The following CHCHD3 variants were observed in gnomAD, a reference collection of about 807,000 sequenced individuals.
CHCHD3 encodes the protein coiled-coil-helix-coiled-coil-helix domain containing 3, also known as MICOS complex subunit MIC19.
In CHCHD3, 20 loss-of-function variants were observed where a neutral mutation model predicts 38.2. The ratio of observed to expected loss-of-function variants is 0.52; its 90% CI spans 0.37 to 0.76. The LOEUF (loss-of-function observed/expected upper bound fraction) is 0.76, where lower values mean the gene tolerates loss of function less well. Among genes scored for constraint, CHCHD3 ranks in the 30% least tolerant of loss-of-function variants. CHCHD3 has a pLI of 0.00. For missense variants in CHCHD3, 245 were observed against 279.2 expected (o/e 0.88, Z 0.87); for synonymous variants, 82 against 100.0 (o/e 0.82, Z 1.07).
At chr7:132,798,311 A>G (rs899422901) in intron 6 of CHCHD3, among the ~76,000 whole-genome samples, 16 of 152,202 alleles carry the variant, frequency 1.1e-4, no homozygotes, top group Non-Finnish European at 2.2e-4. Flanking sequence ...AGAATTAAAT[A>G]GAATCCCAGG....
At chr7:132,908,153 G>T (rs1332478695) in intron 4 of CHCHD3, among the ~76,000 whole-genome samples, 1 of 152,168 alleles carries the variant, frequency 6.6e-6, no homozygotes, top group African/African-American at 2.4e-5. Context: ...AAATCATTAT[G>T]AGGTATTAGG....
At chr7:132,814,397 G>T (rs996802873) in intron 6 of CHCHD3, among the ~76,000 whole-genome samples, 2 of 152,162 alleles carry the variant, frequency 1.3e-5, no homozygotes, top group Non-Finnish European at 2.9e-5. Flanking sequence ...AGGACATTTA[G>T]AAATAATAGG....
At chr7:132,816,966 A>G (rs1193414835) in intron 6 of CHCHD3, among the ~76,000 whole-genome samples, 2 of 152,222 alleles carry the variant, frequency 1.3e-5, no homozygotes, top group Admixed American at 1.3e-4. Context: ...TGGAATATCA[A>G]AATGGAAGTA....
At chr7:133,031,577 T>C (rs1459051339) in intron 2 of CHCHD3, among the ~76,000 whole-genome samples, 1 of 152,172 alleles carries the variant, frequency 6.6e-6, no homozygotes, top group Non-Finnish European at 1.5e-5. Context: ...TTAAGTTGCT[T>C]AATAAAAGTT....
intron 4 of CHCHD3, among the ~76,000 whole-genome samples, chr7:132,921,628 CACAACAACAACAACA>C (rs5887601): frequency 6.6e-6 from 1 of 150,884 alleles, no homozygotes; most frequent in Admixed American, 6.6e-5. Flanking sequence ...ATATGACACA[CACAACAACAACAACA>C]ACAACAACAA....
intron 4 of CHCHD3, among the ~76,000 whole-genome samples, chr7:132,889,198 TATTACCTAC>T (rs1411895663): frequency 1.3e-5 from 2 of 152,120 alleles, no homozygotes; most frequent in African/African-American, 2.4e-5. Context: ...ATGGAAATTG[TATTACCTAC>T]TAAATCCTGA....
intron 3 of CHCHD3, among the ~76,000 whole-genome samples, chr7:133,006,295 G>A (rs1812698137): frequency 2.6e-5 from 4 of 151,752 alleles, no homozygotes; most frequent in Admixed American, 2.6e-4. Context: ...ATGAAACCCT[G>A]TCTCTACTAA....
intron 4 of CHCHD3, among the ~76,000 whole-genome samples, chr7:132,957,760 G>A (rs1328255875): frequency 5.3e-5 from 8 of 152,118 alleles, no homozygotes; most frequent in African/African-American, 1.2e-4. Context: ...GATTACAGAC[G>A]TGAGCCACTG....
At chr7:133,048,678 C>G (rs562631069) in intron 2 of CHCHD3, among the ~76,000 whole-genome samples, 4 of 152,094 alleles carry the variant, frequency 2.6e-5, no homozygotes, top group Non-Finnish European at 4.4e-5. Context: ...GAAACTCCCC[C>G]CTAAAACAAT....
At chr7:132,817,482 A>G (rs1037199438) in intron 6 of CHCHD3, among the ~76,000 whole-genome samples, 6 of 152,158 alleles carry the variant, frequency 3.9e-5, no homozygotes, top group African/African-American at 1.4e-4. Flanking sequence ...ATTGAGAAAG[A>G]AGCTCTAGGT....
chr7:132,800,021 T>C (rs568142853), intron 6 of CHCHD3, among the ~76,000 whole-genome samples: 2 of 152,254 alleles, frequency 1.3e-5, no homozygotes, highest in Admixed American at 1.3e-4. Flanking sequence ...GCACTTCTGG[T>C]AGATATTCTG....
intron 6 of CHCHD3, among the ~76,000 whole-genome samples, chr7:132,798,635 T>C (rs1806683752): frequency 6.6e-6 from 1 of 152,136 alleles, no homozygotes; most frequent in Non-Finnish European, 1.5e-5. Flanking sequence ...TGTCTCAGAT[T>C]TAAAAGCAGG....
chr7:132,915,937 T>A (rs185691342), intron 4 of CHCHD3, among the ~76,000 whole-genome samples: 42 of 151,732 alleles, frequency 2.8e-4, no homozygotes, highest in Non-Finnish European at 4.9e-4. Flanking sequence ...GGTTTTTTTT[T>A]AATTTTTTAA....
intron 3 of CHCHD3, among the ~76,000 whole-genome samples, chr7:132,995,184 C>T (rs1054043910): frequency 6.6e-6 from 1 of 152,146 alleles, no homozygotes; most frequent in Non-Finnish European, 1.5e-5. Flanking sequence ...TTTAGGATAA[C>T]TCCTGTTCAT....
intron 5 of CHCHD3, among the ~76,000 whole-genome samples, chr7:132,854,256 G>C (rs1323645224): frequency 6.6e-6 from 1 of 152,090 alleles, no homozygotes; most frequent in East Asian, 1.9e-4. Context: ...TGAAAAACAA[G>C]TATTTAGCCA....
intron 4 of CHCHD3, among the ~76,000 whole-genome samples, chr7:132,924,253 C>T (rs1039930232): frequency 2.6e-5 from 4 of 152,102 alleles, no homozygotes; most frequent in African/African-American, 4.8e-5. Flanking sequence ...ATTTTGAAGA[C>T]TAATAATAAT....
chr7:133,018,875 CT>C lies in CHCHD3; in HGVS notation c.251+5670del, dbSNP rs5887607. Among the ~76,000 whole-genome samples, 248 of 70,146 alleles carry C rather than the reference CT, an allele frequency of 3.5e-3. No homozygotes were observed. The South Asian group carries it at 0.036, about 10-fold the overall frequency. The allele number at this position is 70,146 out of a possible 152,430, so 46.0% of individuals were successfully genotyped here. A position where few individuals can be genotyped will look rare whatever the true frequency, so the allele number is the denominator to read the frequency against. ...GCACCATGCTAGTTGCATGATTTCT[CT>C]TTTTTTTTTTTTTTTTTTTTTTTTG... is the stretch of plus-strand genomic sequence containing the variant. On this transcript the variant is annotated intron_variant, in intron 3 of 7. Coordinates refer to ENST00000262570, the MANE Select transcript of CHCHD3 (RefSeq NM_017812.4).
At chr7:132,915,919 G>A (rs1172028189) in intron 4 of CHCHD3, among the ~76,000 whole-genome samples, 1 of 151,472 alleles carries the variant, frequency 6.6e-6, no homozygotes, top group African/African-American at 2.4e-5. Flanking sequence ...GTGCTTTGTG[G>A]TGAGTTTGGT....
rs78428660 is a variant in CHCHD3, at chr7:133,035,941, C to A, written c.170-11314G>T. 19,374 of 1,522,690 alleles carry A rather than the reference C, an allele frequency of 0.013. 1,170 individuals carry two copies. In the African/African-American group the frequency reaches 0.17, roughly 13 times the overall value. The allele number at this position is 1,522,690 out of a possible 1,614,324, so 94.3% of individuals were successfully genotyped here. ...GCCATGGTGATTCCGCAAAGAAAGG[C>A]TGGATCCAGTCTTAAAAGTGTTATC... On this transcript the variant is annotated intron_variant, in intron 2 of 7. Transcript: ENST00000262570. The surrounding 1 kb of genome is among the most constrained non-coding windows in gnomAD (Gnocchi z 4.7).
Sources: allele counts gnomAD v4.1 joint callset (sites outside exome capture counted in the v4.1 genomes callset), GRCh38; gene constraint gnomAD v4.1.1; non-coding constraint Gnocchi (gnomAD v3.1); transcripts MANE v1.5; gene names NCBI Gene and HGNC (gene_info 2026-07-23, HGNC 2026-07-21).